Variants in LRRC28 observed in about 807,000 individuals in gnomAD.
LRRC28 encodes leucine-rich repeat-containing protein 28.
In LRRC28, 39 loss-of-function variants were observed where a neutral mutation model predicts 45.7. The ratio of observed to expected loss-of-function variants is 0.85; its 90% CI spans 0.66 to 1.12. LRRC28 has a LOEUF of 1.12. Among genes scored for constraint, LRRC28 ranks in the 50% most tolerant of loss-of-function variants. LRRC28 has a pLI of 0.00. For missense variants in LRRC28, 435 were observed against 438.5 expected, an observed-to-expected ratio of 0.99 and a Z score of 0.07; for synonymous variants, 206 against 178.8, an observed-to-expected ratio of 1.15 and a Z score of -1.22.
chr15:99,281,250 T>C (rs1456559266), intron 3 of LRRC28, among the ~76,000 whole-genome samples: 1 of 152,098 alleles, frequency 6.6e-6, no homozygotes, highest in Non-Finnish European at 1.5e-5. Context: ...GCTGGCTTTC[T>C]GTGTGTGTTT....
chr15:99,316,767 TA>T (rs1955610348), intron 5 of LRRC28, among the ~76,000 whole-genome samples: 1 of 150,452 alleles, frequency 6.6e-6, no homozygotes, highest in Admixed American at 6.6e-5. Flanking sequence ...ACTACAAGAA[TA>T]AAACAGTATC....
At chr15:99,313,689 C>G (rs1204857026) in intron 5 of LRRC28, among the ~76,000 whole-genome samples, 1 of 152,044 alleles carries the variant, frequency 6.6e-6, no homozygotes, top group Non-Finnish European at 1.5e-5. Flanking sequence ...TCTAAGAATG[C>G]CTTTATTTTG....
At chr15:99,346,153 C>T (rs1956674338) in intron 6 of LRRC28, among the ~76,000 whole-genome samples, 1 of 151,574 alleles carries the variant, frequency 6.6e-6, no homozygotes, top group South Asian at 2.1e-4. Context: ...AGCTAATAGT[C>T]ATTTGTTCAT....
chr15:99,348,688 T>C (rs1338547741), intron 6 of LRRC28, among the ~76,000 whole-genome samples: 12 of 152,086 alleles, frequency 7.9e-5, no homozygotes, highest in Admixed American at 7.9e-4. Flanking sequence ...GGAAGTGAGA[T>C]GCCTCCAGTT....
At chr15:99,272,520 C>CA (rs1235848151) in intron 2 of LRRC28, among the ~76,000 whole-genome samples, 1 of 152,144 alleles carries the variant, frequency 6.6e-6, no homozygotes, top group Non-Finnish European at 1.5e-5. Flanking sequence ...GTGGTGTTTG[C>CA]AAAATATTTG....
chr15:99,356,378 A>G (rs1162980659), intron 7 of LRRC28, among the ~76,000 whole-genome samples: 2 of 152,234 alleles, frequency 1.3e-5, no homozygotes, highest in African/African-American at 4.8e-5. Context: ...AGGAAATTCT[A>G]GAATTGAAAA....
chr15:99,270,608 C>A (rs1020967540), intron 2 of LRRC28, among the ~76,000 whole-genome samples: 4 of 152,174 alleles, frequency 2.6e-5, no homozygotes, highest in African/African-American at 9.7e-5. Flanking sequence ...ATCAGTACTT[C>A]TTTTTTTGTG....
intron 1 of LRRC28, among the ~76,000 whole-genome samples, chr15:99,253,464 A>G (rs1190118908): frequency 6.6e-6 from 1 of 152,166 alleles, no homozygotes; most frequent in Non-Finnish European, 1.5e-5. Context: ...ATGATGGGAC[A>G]TTGCTTTCTA....
At chr15:99,334,470 AG>A (rs1956259566) in intron 6 of LRRC28, among the ~76,000 whole-genome samples, 1 of 151,548 alleles carries the variant, frequency 6.6e-6, no homozygotes, top group East Asian at 1.9e-4. Flanking sequence ...AAAGATAGCT[AG>A]CTACGGGTCT....
At chr15:99,358,280 T>G (rs1305361278) in intron 7 of LRRC28, among the ~76,000 whole-genome samples, 3 of 152,162 alleles carry the variant, frequency 2.0e-5, no homozygotes, top group African/African-American at 7.2e-5. Flanking sequence ...ATTGTGAAAT[T>G]TTTATTAAAG....
intron 2 of LRRC28, among the ~76,000 whole-genome samples, chr15:99,267,881 T>A (rs1249006746): frequency 6.6e-6 from 1 of 152,238 alleles, no homozygotes; most frequent in Admixed American, 6.5e-5. Flanking sequence ...CATGTCATAA[T>A]GACTTTCATT....
At chr15:99,336,471 G>A (rs1320857071) in intron 6 of LRRC28, among the ~76,000 whole-genome samples, 1 of 152,162 alleles carries the variant, frequency 6.6e-6, no homozygotes, top group Non-Finnish European at 1.5e-5. Flanking sequence ...GAACCATATT[G>A]AGCATCTTTT....
At chr15:99,333,344 T>A (rs1053868158) in intron 5 of LRRC28, among the ~76,000 whole-genome samples, 1 of 152,224 alleles carries the variant, frequency 6.6e-6, no homozygotes, top group Non-Finnish European at 1.5e-5. Context: ...TTTTAAAAGG[T>A]GCCGCATGCC....
chr15:99,282,176 G>GTTTTTTT (rs1476287973), intron 3 of LRRC28, among the ~76,000 whole-genome samples: 2 of 33,874 alleles, frequency 5.9e-5, no homozygotes, highest in Admixed American at 2.8e-4. Flanking sequence ...AATTTTTGGA[G>GTTTTTTT]GTTTTTTTTT....
chr15:99,259,657 G>A, intron 2 of LRRC28: 4 of 1,411,932 alleles, frequency 2.8e-6, no homozygotes, highest in Non-Finnish European at 4.0e-6. Context: ...ATGCGAGTCG[G>A]AAGAAAACAT....
intron 3 of LRRC28, chr15:99,285,224 T>C: frequency 1.4e-6 from 1 of 731,660 alleles, no homozygotes; most frequent in Non-Finnish European, 2.5e-6. Flanking sequence ...TCTTAGGTAA[T>C]GTTCTTCAGT....
At position 99,378,542 on chromosome 15, in the gene LRRC28, G is replaced by A. The variant is rs1047650339; in HGVS notation, c.1032-7488G>A. 2.0e-5 allele frequency among the ~76,000 whole-genome samples: 3 copies of A among 152,138 alleles called. No homozygotes were observed. The East Asian group carries it at 5.8e-4, about 29-fold the overall frequency. ...TCAGTACCCTTTATTTATTTCTCCT[G>A]CCTGATTGCCCTGGCCAGAACTTCC... On this transcript the variant is annotated intron_variant, in intron 9 of 9. Transcript: ENST00000301981.
intron 3 of LRRC28, chr15:99,285,501 G>T: frequency 9.3e-7 from 1 of 1,072,388 alleles, no homozygotes; most frequent in East Asian, 2.4e-5. Context: ...GGCTCTCATC[G>T]GTTGTTTCAA....
chr15:99,312,919 A>AATTGTAAATAT (rs1955466033), intron 5 of LRRC28, among the ~76,000 whole-genome samples: 1 of 152,224 alleles, frequency 6.6e-6, no homozygotes, highest in Admixed American at 6.5e-5. Context: ...GCTGAATCAC[A>AATTGTAAATAT]ATTGTAAATA....
Sources: allele counts gnomAD v4.1 joint callset (sites outside exome capture counted in the v4.1 genomes callset), GRCh38; gene constraint gnomAD v4.1.1; transcripts MANE v1.5; gene names NCBI Gene and HGNC (gene_info 2026-07-23, HGNC 2026-07-21).